TTC28: variants seen among roughly 807,000 people sequenced by gnomAD.
TTC28 encodes the protein tetratricopeptide repeat protein 28.
TTC28 carries 61 observed loss-of-function variants against 198.0 expected under a neutral mutation model. That is an observed-to-expected ratio of 0.31 (90% CI 0.25 to 0.38). The LOEUF is 0.38. Among genes scored for constraint, TTC28 ranks in the 10% least tolerant of loss-of-function variants. The probability of loss-of-function intolerance (pLI) is 1.00; values close to 1 mark genes in which losing one functional copy is unlikely to be tolerated. For synonymous variants in TTC28, 1,171 were observed against 1,297.8 expected (o/e 0.90, Z 2.10); for missense variants, 2,678 against 3,164.0 (o/e 0.85, Z 3.69).
intron 2 of TTC28, among the ~76,000 whole-genome samples, chr22:28,309,164 T>C (rs2045205029): frequency 6.6e-6 from 1 of 152,210 alleles, no homozygotes; most frequent in Non-Finnish European, 1.5e-5. Context: ...GCTATTTTTG[T>C]TATTAGCTAA....
chr22:28,593,469 C>T (rs367966751), intron 2 of TTC28, among the ~76,000 whole-genome samples: 8 of 148,192 alleles, frequency 5.4e-5, no homozygotes, highest in Admixed American at 4.7e-4. Flanking sequence ...AGGTAGGTAG[C>T]TAGGTAGGTA....
rs1431255235 is a variant in TTC28 at position 28,199,975 on chromosome 22, T to C, written c.934-36376A>G. 2.0e-5 allele frequency among the ~76,000 whole-genome samples: 3 copies of C among 152,272 alleles called. No individual in the cohort carries two copies. In the South Asian group the frequency reaches 6.2e-4, roughly 32 times the overall value. On this transcript the variant is annotated intron_variant, in intron 5 of 22. Coordinates refer to ENST00000397906, the MANE Select transcript of TTC28 (RefSeq NM_001145418.2). ...GTAAAATACATAAAAACATTAACAA[T>C]AATTATCTTTGAGCCATGAAACTAT... is the stretch of plus-strand genomic sequence containing the variant.
intron 2 of TTC28, among the ~76,000 whole-genome samples, chr22:28,331,369 A>G (rs1180281030): frequency 2.0e-5 from 3 of 152,116 alleles, no homozygotes; most frequent in African/African-American, 7.2e-5. Flanking sequence ...AAATGTTAGG[A>G]ATATGCTCCA....
chr22:28,099,206 T>C (rs1194283635), intron 9 of TTC28, among the ~76,000 whole-genome samples, 162 bp from the exon 10 acceptor site: 1 of 152,224 alleles, frequency 6.6e-6, no homozygotes, highest in Non-Finnish European at 1.5e-5. Flanking sequence ...AAAATGGATG[T>C]GCTGCGGTCA....
Position 27,985,647 on chromosome 22 carries a change from A to G in TTC28, c.5708-291T>C, listed in dbSNP as rs2142560. ...CGGAAAGCACTATGGACCAGAACTC[A>G]GTAAGGCTCACTCACATGTTTTCTT... On this transcript the variant is annotated intron_variant, in intron 21 of 22. Coordinates refer to ENST00000397906, the MANE Select transcript of TTC28 (RefSeq NM_001145418.2). The G allele has an allele frequency of 1.2e-4, 31 of 269,056 alleles. 1 individual carries two copies. In the South Asian group the frequency reaches 1.9e-3, roughly 16 times the overall value. 16.7% of individuals were successfully genotyped at this position (269,056 alleles called of 1,614,324 possible).
Position 28,454,068 on chromosome 22 carries a change from A to T in TTC28, c.382-147425T>A, listed in dbSNP as rs576952074. ...GGAATATTCTTCCTGAGGGATAGGTATTTCCTTTTCCACATTCAAGTTTCT... is the reference window on the plus strand; with the variant it reads ...GGAATATTCTTCCTGAGGGATAGGTTTTTCCTTTTCCACATTCAAGTTTCT... On this transcript the variant is annotated intron_variant, in intron 2 of 22. Transcript: ENST00000397906. Among the ~76,000 whole-genome samples, 43 of 152,204 alleles carry T rather than the reference A, an allele frequency of 2.8e-4. No homozygotes were observed. In the East Asian group the frequency reaches 8.1e-3, roughly 29 times the overall value.
Position 28,038,798 on chromosome 22 carries a change from G to A in TTC28, c.3933-8432C>T, listed in dbSNP as rs943742796. Among the ~76,000 whole-genome samples, 20 of 152,088 alleles carry A rather than the reference G, an allele frequency of 1.3e-4. 1 individual carries two copies. Among genetic ancestry groups the A allele is most frequent in the Admixed American group, 5.2e-4 (8 of 15,248 alleles). On this transcript the variant is annotated intron_variant, in intron 12 of 22. Transcript: ENST00000397906. ...GACAAAGGGCTAATATCCAGAATCT[G>A]CAAAGAACTCAAACAAATTTACAAG... is the stretch of plus-strand genomic sequence containing the variant.
rs907909086 is a variant in TTC28 at position 28,339,218 on chromosome 22, C to T, written c.382-32575G>A. ...CTGCAGAACAGCGGATATTGGTGAA[C>T]AGCAAATGTTGCTCCCTGATCGTTC... On this transcript the variant is annotated intron_variant, in intron 2 of 22. Coordinates refer to ENST00000397906, the MANE Select transcript of TTC28 (RefSeq NM_001145418.2). Among the ~76,000 whole-genome samples, 17 of 152,254 alleles carry T rather than the reference C, an allele frequency of 1.1e-4. No individual in the cohort carries two copies. The South Asian group carries it at 3.5e-3, about 32-fold the overall frequency.
At chr22:28,383,913 A>G (rs534414684) in intron 2 of TTC28, among the ~76,000 whole-genome samples, 2 of 152,300 alleles carry the variant, frequency 1.3e-5, no homozygotes, top group South Asian at 4.2e-4. Flanking sequence ...AGTAAAATCT[A>G]AAGTCTTTAC....
At chr22:28,188,180 A>G (rs1924386769) in intron 5 of TTC28, among the ~76,000 whole-genome samples, 1 of 152,222 alleles carries the variant, frequency 6.6e-6, no homozygotes. Flanking sequence ...CTTCTGCTAG[A>G]AACCTCAGTA....
chr22:28,313,764 G>A (rs1438085405), intron 2 of TTC28, among the ~76,000 whole-genome samples: 1 of 152,128 alleles, frequency 6.6e-6, no homozygotes, highest in Non-Finnish European at 1.5e-5. Flanking sequence ...CCTACTGAAT[G>A]GGCAAAAACT....
intron 11 of TTC28, 39 bp from the exon 12 acceptor site, chr22:28,094,284 A>G (rs1244621469): frequency 6.7e-7 from 1 of 1,482,516 alleles, no homozygotes; most frequent in Non-Finnish European, 9.0e-7. Flanking sequence ...ATACACAATT[A>G]GGGTCAGAGA....
chr22:28,397,732 A>G (rs1347242510), intron 2 of TTC28, among the ~76,000 whole-genome samples: 1 of 152,250 alleles, frequency 6.6e-6, no homozygotes, highest in Non-Finnish European at 1.5e-5. Flanking sequence ...CACTGACTTA[A>G]GAACATAGAG....
intron 6 of TTC28, among the ~76,000 whole-genome samples, chr22:28,113,942 G>A (rs1402630235): frequency 3.3e-5 from 5 of 152,276 alleles, no homozygotes; most frequent in South Asian, 2.1e-4. Context: ...GTCCTGACGT[G>A]GATGTTTAAG....
intron 2 of TTC28, among the ~76,000 whole-genome samples, chr22:28,379,188 C>T (rs1264732290): frequency 6.6e-6 from 1 of 151,962 alleles, no homozygotes; most frequent in African/African-American, 2.4e-5. Context: ...TAATTTCAGA[C>T]ATATAAAAGC....
At chr22:28,224,952 A>G (rs544620573) in intron 5 of TTC28, among the ~76,000 whole-genome samples, 60 of 152,296 alleles carry the variant, frequency 3.9e-4, no homozygotes, top group Admixed American at 1.8e-3. Flanking sequence ...CAGCTTTCCC[A>G]ATGTTAGTAA....
chr22:28,014,157 T>C, intron 14 of TTC28, 91 bp downstream of exon 14: 1 of 1,402,118 alleles, frequency 7.1e-7, no homozygotes, highest in Non-Finnish European at 9.4e-7. Flanking sequence ...CGGGAGCCCA[T>C]TTTGGTGTCT....
intron 2 of TTC28, among the ~76,000 whole-genome samples, chr22:28,543,422 GGGAGGAGGA>G (rs1384628154): frequency 6.7e-6 from 1 of 148,710 alleles, no homozygotes; most frequent in Non-Finnish European, 1.5e-5. Flanking sequence ...ATGAAGAAGA[GGGAGGAGGA>G]GGAAGAGGAG....
At chr22:28,460,430 T>C (rs1010052711) in intron 2 of TTC28, among the ~76,000 whole-genome samples, 3 of 150,716 alleles carry the variant, frequency 2.0e-5, no homozygotes, top group African/African-American at 7.3e-5. Flanking sequence ...TAAACTTTTC[T>C]ATGCATATAC....
Sources: allele counts gnomAD v4.1 joint callset (sites outside exome capture counted in the v4.1 genomes callset), GRCh38; gene constraint gnomAD v4.1.1; transcripts MANE v1.5; gene names NCBI Gene and HGNC (gene_info 2026-07-23, HGNC 2026-07-21).